The following CORIN variants were observed in gnomAD, a reference collection of about 807,000 sequenced individuals.
CORIN encodes the protein corin, serine peptidase.
A neutral mutation model predicts 125.3 loss-of-function variants in CORIN; 117 were observed. That is an observed-to-expected ratio of 0.93 (90% CI 0.80 to 1.09). CORIN has a LOEUF of 1.09. Ranked by LOEUF, CORIN falls within the 50% of genes least tolerant of loss-of-function variation. The pLI, the probability that CORIN is intolerant of heterozygous loss-of-function variation, is 0.00. For missense variants in CORIN, 1,253 were observed against 1,306.7 expected, an observed-to-expected ratio of 0.96 and a Z score of 0.63; for synonymous variants, 450 against 466.4, an observed-to-expected ratio of 0.96 and a Z score of 0.45.
At chr4:47,819,961 G>C (rs998476481) in intron 1 of CORIN, among the ~76,000 whole-genome samples, 2 of 152,136 alleles carry the variant, frequency 1.3e-5, no homozygotes, top group East Asian at 3.9e-4. Context: ...CATCCAGGGG[G>C]ATCCTAATTG....
At chr4:47,609,368 T>A (rs1463715129) in intron 19 of CORIN, among the ~76,000 whole-genome samples, 1 of 152,054 alleles carries the variant, frequency 6.6e-6, no homozygotes, top group Non-Finnish European at 1.5e-5. Context: ...GCCTCCTAAG[T>A]AGTTGGGATT....
chr4:47,742,714 A>G (rs1454052561), intron 5 of CORIN, among the ~76,000 whole-genome samples: 1 of 152,094 alleles, frequency 6.6e-6, no homozygotes, highest in Non-Finnish European at 1.5e-5. Flanking sequence ...CAATTTAAAA[A>G]CAAAACAAAA....
intron 21 of CORIN, among the ~76,000 whole-genome samples, chr4:47,596,845 A>G (rs939439566): frequency 6.6e-6 from 1 of 152,244 alleles, no homozygotes; most frequent in Non-Finnish European, 1.5e-5. Context: ...AACATTTTCC[A>G]CATATTAGCT....
intron 18 of CORIN, 23 bp from the exon 19 acceptor site, chr4:47,623,768 G>A (rs1255653098): frequency 3.7e-6 from 6 of 1,611,110 alleles, no homozygotes; most frequent in Non-Finnish European, 5.1e-6. Context: ...AGAAGACACA[G>A]TTTGTGAGTT....
intron 4 of CORIN, among the ~76,000 whole-genome samples, chr4:47,749,084 T>C (rs536681271): frequency 1.2e-4 from 18 of 152,126 alleles, no homozygotes; most frequent in African/African-American, 4.1e-4. Flanking sequence ...TAAATATTAT[T>C]AGGAGAACTC....
chr4:47,628,267 A>G (rs944959554), intron 16 of CORIN, among the ~76,000 whole-genome samples: 7 of 152,178 alleles, frequency 4.6e-5, no homozygotes, highest in Admixed American at 1.3e-4. Flanking sequence ...GAATCTGAGC[A>G]TCTCCATAAC....
At chr4:47,831,552 T>A (rs181641314) in intron 1 of CORIN, 4 of 152,332 alleles carry the variant, frequency 2.6e-5, no homozygotes, top group African/African-American at 9.6e-5. Context: ...AAAGCGCTCA[T>A]TAGCAGAACA....
chr4:47,633,368 T>C (rs1486515230), intron 16 of CORIN, among the ~76,000 whole-genome samples: 1 of 152,162 alleles, frequency 6.6e-6, no homozygotes, highest in Non-Finnish European at 1.5e-5. Flanking sequence ...CATTCTAATA[T>C]AAATTAGAAA....
chr4:47,823,185 G>A (rs1446509846), intron 1 of CORIN, among the ~76,000 whole-genome samples: 1 of 152,136 alleles, frequency 6.6e-6, no homozygotes, highest in Middle Eastern at 3.2e-3. Context: ...TTTATAATTT[G>A]TTACTATCAT....
chr4:47,597,411 G>A (rs928427249), intron 21 of CORIN, among the ~76,000 whole-genome samples: 1 of 151,360 alleles, frequency 6.6e-6, no homozygotes, highest in African/African-American at 2.4e-5. Flanking sequence ...GTATGCTTTT[G>A]TGTAAGTGAT....
At chr4:47,624,541 TGAC>T (rs576400463) in intron 17 of CORIN, among the ~76,000 whole-genome samples, 31 of 152,294 alleles carry the variant, frequency 2.0e-4, no homozygotes, top group African/African-American at 7.0e-4. Flanking sequence ...TATGAGAAGT[TGAC>T]AAGAGGAAAA....
chr4:47,744,252 T>C (rs1728552138), intron 5 of CORIN, 150 bp downstream of exon 5: 5 of 708,738 alleles, frequency 7.1e-6, no homozygotes, highest in South Asian at 4.1e-5. Context: ...GTTGTTAATA[T>C]TCTATTCCTT....
intron 13 of CORIN, among the ~76,000 whole-genome samples, chr4:47,649,524 T>C (rs1251220655): frequency 6.6e-6 from 1 of 152,214 alleles, no homozygotes; most frequent in East Asian, 1.9e-4. Flanking sequence ...AGTTATTAGC[T>C]TCTGAGGATG....
chr4:47,650,180 G>A (rs1206473173), intron 13 of CORIN, among the ~76,000 whole-genome samples: 1 of 152,170 alleles, frequency 6.6e-6, no homozygotes, highest in South Asian at 2.1e-4. Context: ...AAGATCAAGA[G>A]GAGACCAAAG....
chr4:47,745,478 A>G (rs545259452), intron 4 of CORIN, among the ~76,000 whole-genome samples: 17 of 152,370 alleles, frequency 1.1e-4, no homozygotes, highest in Admixed American at 1.1e-3. Context: ...AAGATATCAC[A>G]GAATCGTACA....
chr4:47,826,198 G>A (rs917480668), intron 1 of CORIN, among the ~76,000 whole-genome samples: 4 of 152,196 alleles, frequency 2.6e-5, no homozygotes, highest in African/African-American at 9.7e-5. Flanking sequence ...GACTGCAAAT[G>A]CCTACCCCAG....
At chr4:47,756,395 G>T (rs1196160292) in intron 4 of CORIN, among the ~76,000 whole-genome samples, 3 of 152,202 alleles carry the variant, frequency 2.0e-5, no homozygotes, top group Admixed American at 6.5e-5. Context: ...AAACTTTCAA[G>T]CGCATTCTCT....
intron 21 of CORIN, 95 bp downstream of exon 21, chr4:47,600,119 A>C (rs1220742205): frequency 1.8e-6 from 2 of 1,119,000 alleles, no homozygotes; most frequent in Non-Finnish European, 2.5e-6. Flanking sequence ...TTTTCAAAAA[A>C]TGTTTCCAAA....
intron 16 of CORIN, 73 bp downstream of exon 16, chr4:47,641,847 A>C: frequency 6.4e-7 from 1 of 1,551,906 alleles, no homozygotes; most frequent in African/African-American, 1.4e-5. Flanking sequence ...TGTGCATCCT[A>C]AGGAAGATAT....
Sources: gnomAD v4.1 joint callset for allele counts (sites outside exome capture counted in the v4.1 genomes callset) on GRCh38, gnomAD v4.1.1 for gene constraint, MANE v1.5 for transcripts, NCBI Gene and HGNC (gene_info 2026-07-23, HGNC 2026-07-21) for gene names.